The following GPR174 variants were observed in gnomAD, a reference collection of about 807,000 sequenced individuals.
GPR174 encodes probable G protein-coupled receptor 174.
A neutral mutation model predicts 16.5 loss-of-function variants in GPR174; 8 were observed. That is an observed-to-expected ratio of 0.48 (90% CI 0.28 to 0.87). The LOEUF is 0.87. Ranked by LOEUF, GPR174 falls within the 40% of genes least tolerant of loss-of-function variation. GPR174 has a pLI of 0.09. For synonymous variants in GPR174, 111 were observed against 94.8 expected (o/e 1.17, Z -0.99); for missense variants, 214 against 247.5 (o/e 0.86, Z 0.91).
rs1921565784 is a variant in GPR174, at chrX:79,173,449, TA to T, written c.*1442del. On this transcript the variant is annotated 3_prime_UTR_variant, in exon 3 of 3. Transcript: ENST00000645147. ...ATGTTTTAGCAAAAAGCTCTAACTT[TA>T]AGAAAGTTCTACTTAAAATCTGTGT... 8.9e-6 allele frequency: 1 copy of T among 112,138 alleles called. No homozygotes were observed. Among genetic ancestry groups the T allele is most frequent in the South Asian group, 3.7e-4 (1 of 2,727 alleles). 9.2% of individuals were successfully genotyped at this position (112,138 alleles called of 1,213,427 possible). A position where few individuals can be genotyped will look rare whatever the true frequency, so the allele number is the denominator to read the frequency against.
At chrX:79,168,599 G>A (rs908948411) in intron 2 of GPR174, among the ~76,000 whole-genome samples, 2 of 109,626 alleles carry the variant, frequency 1.8e-5, no homozygotes, top group African/African-American at 6.7e-5. Context: ...TACTTGGGAG[G>A]CTGAGGTGAG....
chrX:79,148,952 T>G (rs1459312603), intron 1 of GPR174, among the ~76,000 whole-genome samples: 2 of 112,124 alleles, frequency 1.8e-5, no homozygotes. Flanking sequence ...ACTAAAAGTG[T>G]GTTATTTTAG....
chrX:79,175,211 A>G lies in GPR174; in HGVS notation c.*3202A>G, dbSNP rs1369318040. On this transcript the variant is annotated 3_prime_UTR_variant, in exon 3 of 3. Transcript: ENST00000645147. ...AACTTACATTTTATGTCACCTTTTG[A>G]TTTTACTCCCAAGATACTGTGAAAA... 9.0e-6 allele frequency: 1 copy of G among 111,080 alleles called. No homozygotes were observed. The highest frequency in any genetic ancestry group is 2.8e-4 in the East Asian group (1 of 3,573). The allele number at this position is 111,080 out of a possible 1,213,427, so 9.2% of individuals were successfully genotyped here. A position where few individuals can be genotyped will look rare whatever the true frequency, so the allele number is the denominator to read the frequency against.
chrX:79,152,808 C>T (rs1018147461), intron 1 of GPR174, among the ~76,000 whole-genome samples: 1 of 111,893 alleles, frequency 8.9e-6, no homozygotes, highest in African/African-American at 3.2e-5. Flanking sequence ...GGACACTTCT[C>T]TCTTAAGGGT....
Position 79,145,006 on chromosome X carries a change from CTTTCTTTCTTTCTT to C in GPR174, c.-863_-850del, listed in dbSNP as rs1250879558. On this transcript the variant is annotated 5_prime_UTR_variant, in exon 1 of 3. Transcript: ENST00000645147. ...TCTTTCTTTCTTTCTCTCTCTCTCTCTTTCTTTCTTTCTTTCTTTCTTTCTTTCTTTCTTTCTTT... is the reference window on the plus strand; with the variant it reads ...TCTTTCTTTCTTTCTCTCTCTCTCTCTCTTTCTTTCTTTCTTTCTTTCTTT... 2.8e-3 allele frequency: 19 copies of C among 6,740 alleles called. No individual in the cohort carries two copies. The South Asian group carries it at 0.032, about 11-fold the overall frequency. The allele number at this position is 6,740 out of a possible 1,213,427, so 0.6% of individuals were successfully genotyped here. A position where few individuals can be genotyped will look rare whatever the true frequency, so the allele number is the denominator to read the frequency against.
intron 1 of GPR174, among the ~76,000 whole-genome samples, chrX:79,152,145 G>A (rs188758837): frequency 9.0e-6 from 1 of 111,374 alleles, no homozygotes; most frequent in African/African-American, 3.3e-5. Flanking sequence ...GTACACAGAG[G>A]CTCTCCTAAA....
At chrX:79,168,567 A>G (rs1447682981) in intron 2 of GPR174, among the ~76,000 whole-genome samples, 1 of 109,198 alleles carries the variant, frequency 9.2e-6, no homozygotes, top group Non-Finnish European at 1.9e-5. Flanking sequence ...CTGTCACAGT[A>G]GTATGCACCT....
At position 79,171,919 on chromosome X, in the gene GPR174, A is replaced by T. The variant is rs146035529; in HGVS notation, c.912A>T (p.Ser304=). ...FSTNEFRRRL[S]RQDLHDSIQL... is the part of the protein sequence containing the mutation. The stretch of plus-strand genomic sequence containing the variant: ...CTAATGAGTTCCGAAGACGGCTTTC[A>T]AGACAAGATTTGCATGACAGCATCC... The change falls in exon 3 of 3, where the codon TCA becomes TCT. Residue 304 remains serine (S), a synonymous_variant. Coordinates refer to ENST00000645147, the MANE Select transcript of GPR174 (RefSeq NM_032553.3). 5.3e-5 allele frequency: 64 copies of T among 1,209,289 alleles called. No homozygotes were observed. The African/African-American group carries it at 8.8e-4, about 17-fold the overall frequency.
Position 79,171,921 on chromosome X carries a change from G to C in GPR174, c.914G>C (p.Arg305Thr). 8.3e-7 allele frequency: 1 copy of C among 1,210,751 alleles called. No individual in the cohort carries two copies. Among genetic ancestry groups the C allele is most frequent in the African/African-American group, 1.7e-5 (1 of 57,615 alleles). Residue 305 changes from arginine to threonine, a missense_variant, in exon 3 of 3, where the codon AGA becomes ACA. Physicochemically the swap from Arg to Thr is moderately conservative, Grantham distance 71 (BLOSUM62 -1). Transcript: ENST00000645147. ...AATGAGTTCCGAAGACGGCTTTCAAGACAAGATTTGCATGACAGCATCCAA... is the reference window on the plus strand; with the variant it reads ...AATGAGTTCCGAAGACGGCTTTCAACACAAGATTTGCATGACAGCATCCAA... ...STNEFRRRLS[R>T]QDLHDSIQLH...
At chrX:79,151,098 C>T (rs767471310) in intron 1 of GPR174, among the ~76,000 whole-genome samples, 1 of 110,824 alleles carries the variant, frequency 9.0e-6, no homozygotes, top group Non-Finnish European at 1.9e-5. Flanking sequence ...AATATATAAG[C>T]AGCTACTCAG....
rs1490509399 is a variant in GPR174 at position 79,145,014 on chromosome X, CTT to C, written c.-855_-854del. The stretch of plus-strand genomic sequence containing the variant: ...TCTTTCTCTCTCTCTCTCTTTCTTT[CTT>C]TCTTTCTTTCTTTCTTTCTTTCTTT... On this transcript the variant is annotated 5_prime_UTR_variant, in exon 1 of 3. Transcript: ENST00000645147. The C allele has an allele frequency of 1.1e-3, 29 of 25,818 alleles. No homozygotes were observed. Among genetic ancestry groups the C allele is most frequent in the African/African-American group, 5.9e-3 (27 of 4,565 alleles). 2.1% of individuals were successfully genotyped at this position (25,818 alleles called of 1,213,427 possible). A position where few individuals can be genotyped will look rare whatever the true frequency, so the allele number is the denominator to read the frequency against.
intron 2 of GPR174, among the ~76,000 whole-genome samples, chrX:79,167,123 A>T (rs779789668): frequency 1.7e-4 from 19 of 112,198 alleles, no homozygotes; most frequent in Non-Finnish European, 3.4e-4. Flanking sequence ...GGCAATGAAG[A>T]TAGGAAAACA....
rs973345725 is a variant in GPR174, at chrX:79,148,463, G to A, written c.-654+3246G>A. Among the ~76,000 whole-genome samples, 3 of 111,849 alleles carry A rather than the reference G, an allele frequency of 2.7e-5. 1 individual carries two copies. The highest frequency in any genetic ancestry group is 5.6e-5 in the Non-Finnish European group (3 of 53,147). ...AAATTTTTTTCAGCTTTACTTGGCA[G>A]ATGAGATTCAGTATTTCTTATAAGC... On this transcript the variant is annotated intron_variant, in intron 1 of 2. Coordinates refer to ENST00000645147, the MANE Select transcript of GPR174 (RefSeq NM_032553.3).
chrX:79,169,204 A>G (rs971812572), intron 2 of GPR174, among the ~76,000 whole-genome samples: 4 of 110,791 alleles, frequency 3.6e-5, no homozygotes, highest in African/African-American at 9.9e-5. Flanking sequence ...ATGCTGAGGA[A>G]AAAAAAAATC....
rs919747422 is a variant in GPR174 at position 79,173,186 on chromosome X, T to TG, written c.*1179dup. ...CCCTAGAATCCACATTGATTTTTTT[T>TG]GGTCTAGCTTTGCCCCAGACATACC... On this transcript the variant is annotated 3_prime_UTR_variant, in exon 3 of 3. Coordinates refer to ENST00000645147, the MANE Select transcript of GPR174 (RefSeq NM_032553.3). The TG allele has an allele frequency of 9.0e-6, 1 of 111,516 alleles. No homozygotes were observed. Among genetic ancestry groups the TG allele is most frequent in the Non-Finnish European group, 1.9e-5 (1 of 53,089 alleles). 9.2% of individuals were successfully genotyped at this position (111,516 alleles called of 1,213,427 possible). A position where few individuals can be genotyped will look rare whatever the true frequency, so the allele number is the denominator to read the frequency against.
intron 2 of GPR174, among the ~76,000 whole-genome samples, chrX:79,163,331 G>A (rs1921279988): frequency 8.9e-6 from 1 of 112,052 alleles, no homozygotes; most frequent in African/African-American, 3.2e-5. Context: ...ACTGCTGAGT[G>A]TTACTGATAT....
At chrX:79,164,609 A>T (rs1374734936) in intron 2 of GPR174, among the ~76,000 whole-genome samples, 1 of 111,807 alleles carries the variant, frequency 8.9e-6, no homozygotes, top group East Asian at 2.8e-4. Context: ...CTCAATGACC[A>T]TGGAGGCTTA....
At chrX:79,168,128 C>T (rs967043010) in intron 2 of GPR174, among the ~76,000 whole-genome samples, 2 of 111,768 alleles carry the variant, frequency 1.8e-5, no homozygotes, top group African/African-American at 6.5e-5. Flanking sequence ...AGAAATTGTT[C>T]TTTTCTCTTC....
At chrX:79,159,719 A>C (rs1477697250) in intron 2 of GPR174, among the ~76,000 whole-genome samples, 1 of 112,022 alleles carries the variant, frequency 8.9e-6, no homozygotes. Flanking sequence ...TTTATCAAAA[A>C]TTTGGATATT....
Sources: gnomAD v4.1 joint callset for allele counts (sites outside exome capture counted in the v4.1 genomes callset) on GRCh38, gnomAD v4.1.1 for gene constraint, MANE v1.5 for transcripts, NCBI Gene and HGNC (gene_info 2026-07-23, HGNC 2026-07-21) for gene names.